C1QTNF3: variants seen among roughly 807,000 people sequenced by gnomAD.
The protein encoded by C1QTNF3 is C1q and TNF related 3.
C1QTNF3 carries 26 observed loss-of-function variants against 32.6 expected under a neutral mutation model. The observed-to-expected ratio is 0.80, with a 90% CI of 0.58 to 1.11. C1QTNF3 has a LOEUF of 1.11. C1QTNF3 is among the 50% of genes least tolerant of loss of function. The pLI is 0.00. For missense variants in C1QTNF3, 362 were observed against 398.2 expected, an observed-to-expected ratio of 0.91 and a Z score of 0.77; for synonymous variants, 155 against 146.0, an observed-to-expected ratio of 1.06 and a Z score of -0.44.
chr5:34,024,060 G>T, intron 4 of C1QTNF3, 52 bp from the exon 5 acceptor site: 1 of 1,428,576 alleles, frequency 7.0e-7, no homozygotes. Context: ...TATACATTGA[G>T]GACCTGGAGA....
At chr5:34,021,567 T>C (rs931592689) in intron 5 of C1QTNF3, among the ~76,000 whole-genome samples, 1 of 152,214 alleles carries the variant, frequency 6.6e-6, no homozygotes, top group Non-Finnish European at 1.5e-5. Flanking sequence ...TTAAGACTAC[T>C]CATTCAGCAG....
the C1QTNF3 span, among the ~76,000 whole-genome samples, chr5:34,197,631 T>C: frequency 6.6e-6 from 1 of 152,274 alleles, no homozygotes; most frequent in South Asian, 2.1e-4. Flanking sequence ...TAGGTGGTTC[T>C]GACTCGAAGT....
the C1QTNF3 span, among the ~76,000 whole-genome samples, chr5:34,239,978 A>G: frequency 1.3e-5 from 2 of 152,142 alleles, no homozygotes; most frequent in African/African-American, 4.8e-5. Context: ...AAATATCAAC[A>G]TCTCTCAACA....
the C1QTNF3 span, among the ~76,000 whole-genome samples, chr5:34,215,678 T>G: frequency 2.0e-5 from 3 of 152,216 alleles, no homozygotes; most frequent in Non-Finnish European, 4.4e-5. Context: ...AGAGTCTTAC[T>G]CTGTCACCAA....
the C1QTNF3 span, among the ~76,000 whole-genome samples, chr5:34,109,681 G>A: frequency 3.3e-5 from 5 of 152,180 alleles, no homozygotes; most frequent in South Asian, 1.0e-3. Flanking sequence ...TTCAAGAAGA[G>A]GGAAAACAGC....
intron 1 of C1QTNF3, among the ~76,000 whole-genome samples, chr5:34,037,367 G>T (rs1056016757): frequency 1.3e-5 from 2 of 152,282 alleles, no homozygotes; most frequent in African/African-American, 4.8e-5. Flanking sequence ...GAGGAAAAAA[G>T]AATTTAAAAT....
chr5:34,102,775 C>CA, the C1QTNF3 span, among the ~76,000 whole-genome samples: 1 of 152,076 alleles, frequency 6.6e-6, no homozygotes, highest in African/African-American at 2.4e-5. Flanking sequence ...TGTTCTCACT[C>CA]ATAGGTGGGA....
chr5:34,175,988 A>C, the C1QTNF3 span: 1 of 770,412 alleles, frequency 1.3e-6, no homozygotes, highest in Non-Finnish European at 2.4e-6. Flanking sequence ...AAGAGTAAGA[A>C]CTGGCAGAAT....
At chr5:34,043,342 G>T, upstream of C1QTNF3, 1 of 569,108 alleles carries the variant, frequency 1.8e-6, no homozygotes, top group Non-Finnish European at 3.1e-6. Context: ...CACACCACAA[G>T]CAAGAACGAT....
the C1QTNF3 span, among the ~76,000 whole-genome samples, chr5:34,059,590 T>C: frequency 4.6e-5 from 7 of 152,160 alleles, no homozygotes; most frequent in African/African-American, 1.7e-4. Context: ...GTCTCCTTTA[T>C]AGGGGCACTA....
the C1QTNF3 span, among the ~76,000 whole-genome samples, chr5:34,242,249 A>T: frequency 6.6e-6 from 1 of 152,182 alleles, no homozygotes; most frequent in Admixed American, 6.5e-5. Flanking sequence ...GAGGCATCAT[A>T]CTACCCAATT....
At position 34,019,232 on chromosome 5, in the gene C1QTNF3, C is replaced by T. The variant is rs1311108964; in HGVS notation, c.*1351G>A. Among the ~76,000 whole-genome samples the T allele has an allele frequency of 6.6e-6, 1 of 152,122 alleles. No individual in the cohort carries two copies. Among genetic ancestry groups the T allele is most frequent in the Admixed American group, 6.6e-5 (1 of 15,240 alleles). The stretch of plus-strand genomic sequence containing the variant: ...CCTTTTTAGCATCTCAGTTTTGGGA[C>T]ACTTGTGAAATCAGTCTTCCAAGTA... On this transcript the variant is annotated 3_prime_UTR_variant, in exon 6 of 6. Transcript: ENST00000382065.
At chr5:34,210,607 G>T in the C1QTNF3 span, among the ~76,000 whole-genome samples, 1 of 151,656 alleles carries the variant, frequency 6.6e-6, no homozygotes, top group South Asian at 2.1e-4. Flanking sequence ...AAAAAAAGGA[G>T]ACAGGCCTAC....
rs180693887 is a variant in C1QTNF3 at position 34,020,318 on chromosome 5, G to A, written c.*265C>T. On this transcript the variant is annotated 3_prime_UTR_variant, in exon 6 of 6. Transcript: ENST00000382065. The stretch of plus-strand genomic sequence containing the variant: ...AATATTTCCAACCTGCGTCAGAGGA[G>A]AATTATCTTTTAGGTGCCAAGGAAA... 5.7e-6 allele frequency: 2 copies of A among 348,544 alleles called. No individual in the cohort carries two copies. The highest frequency in any genetic ancestry group is 9.4e-5 in the East Asian group (2 of 21,248). The allele number at this position is 348,544 out of a possible 1,614,324, so 21.6% of individuals were successfully genotyped here.
At chr5:34,038,176 TG>T (rs1754787211) in intron 1 of C1QTNF3, among the ~76,000 whole-genome samples, 1 of 152,194 alleles carries the variant, frequency 6.6e-6, no homozygotes, top group South Asian at 2.1e-4. Flanking sequence ...GATGAGGTGG[TG>T]TTGGTGCACA....
chr5:34,157,454 G>C, the C1QTNF3 span, among the ~76,000 whole-genome samples: 1 of 152,180 alleles, frequency 6.6e-6, no homozygotes, highest in Non-Finnish European at 1.5e-5. Context: ...GGCCCCCAAA[G>C]ATGTTTGCAT....
chr5:34,139,202 A>G, the C1QTNF3 span, among the ~76,000 whole-genome samples: 1 of 151,936 alleles, frequency 6.6e-6, no homozygotes, highest in Non-Finnish European at 1.5e-5. Context: ...ATGCATACAT[A>G]TATGTGTGCT....
the C1QTNF3 span, among the ~76,000 whole-genome samples, chr5:34,065,942 G>C: frequency 3.3e-5 from 5 of 152,180 alleles, no homozygotes; most frequent in Non-Finnish European, 7.3e-5. Context: ...GTGCCCATCA[G>C]TGATGGACTG....
At chr5:34,129,440 A>C in the C1QTNF3 span, among the ~76,000 whole-genome samples, 1 of 152,228 alleles carries the variant, frequency 6.6e-6, no homozygotes, top group African/African-American at 2.4e-5. Flanking sequence ...GAGAGGAATG[A>C]AGAGATATTG....
Sources: allele counts gnomAD v4.1 joint callset (sites outside exome capture counted in the v4.1 genomes callset), GRCh38; gene constraint gnomAD v4.1.1; transcripts MANE v1.5; gene names NCBI Gene and HGNC (gene_info 2026-07-23, HGNC 2026-07-21).